Variants in REDIC1 observed in about 807,000 individuals in gnomAD.
REDIC1 encodes regulator of DNA class I crossover intermediates 1.
the REDIC1 span, among the ~76,000 whole-genome samples, chr12:39,694,777 G>A: frequency 2.6e-5 from 4 of 152,046 alleles, no homozygotes; most frequent in Non-Finnish European, 5.9e-5. Flanking sequence ...GGCAGCTAAG[G>A]GAGTGTGGCA....
chr12:39,700,867 T>C, the REDIC1 span, among the ~76,000 whole-genome samples: 1 of 151,938 alleles, frequency 6.6e-6, no homozygotes, highest in African/African-American at 2.4e-5. Context: ...AATCAAATCC[T>C]TTACAGACAA....
chr12:39,880,547 A>G, the REDIC1 span, among the ~76,000 whole-genome samples: 51 of 152,350 alleles, frequency 3.3e-4, 1 homozygote, highest in South Asian at 0.01. Context: ...AAATCAAGCA[A>G]TGATACAAAA....
chr12:39,896,174 ATATG>A, the REDIC1 span, among the ~76,000 whole-genome samples: 1 of 148,580 alleles, frequency 6.7e-6, no homozygotes, highest in Non-Finnish European at 1.5e-5. Context: ...ACATATATGA[ATATG>A]TATATATGTA....
chr12:39,692,254 C>A, the REDIC1 span: 1 of 758,456 alleles, frequency 1.3e-6, no homozygotes, highest in Non-Finnish European at 1.9e-6. Context: ...ATGCAATTGA[C>A]TCGTTAAAAT....
At chr12:39,721,513 A>G in the REDIC1 span, 8 of 344,610 alleles carry the variant, frequency 2.3e-5, no homozygotes, top group Non-Finnish European at 4.2e-5. Flanking sequence ...TAAATGTACT[A>G]GCGTTTTTAT....
the REDIC1 span, chr12:39,646,789 G>A: frequency 2.4e-6 from 3 of 1,249,098 alleles, no homozygotes; most frequent in Non-Finnish European, 3.4e-6. Context: ...GGAAAGGACA[G>A]TCGATTTTAT....
chr12:39,717,588 C>T, the REDIC1 span, among the ~76,000 whole-genome samples: 2 of 151,974 alleles, frequency 1.3e-5, no homozygotes, highest in South Asian at 2.1e-4. Flanking sequence ...GAATGGTGGG[C>T]AGGAGAGGCA....
chr12:39,857,053 G>T, the REDIC1 span, among the ~76,000 whole-genome samples: 1 of 152,208 alleles, frequency 6.6e-6, no homozygotes, highest in African/African-American at 2.4e-5. Flanking sequence ...AAAACTCCAA[G>T]TTGGTTTCAT....
chr12:39,740,284 A>C, the REDIC1 span, among the ~76,000 whole-genome samples: 1 of 152,218 alleles, frequency 6.6e-6, no homozygotes, highest in South Asian at 2.1e-4. Context: ...CATGTAGGAA[A>C]AAATTTTAAT....
the REDIC1 span, among the ~76,000 whole-genome samples, chr12:39,831,026 G>C: frequency 4.6e-5 from 7 of 152,162 alleles, no homozygotes; most frequent in Non-Finnish European, 8.8e-5. Flanking sequence ...CCTACATCAT[G>C]CTTATAGAAT....
the REDIC1 span, among the ~76,000 whole-genome samples, chr12:39,731,086 A>G: frequency 1.3e-5 from 2 of 152,126 alleles, no homozygotes; most frequent in East Asian, 1.9e-4. Context: ...GCTTCCTTGC[A>G]TTGGGTTAGA....
the REDIC1 span, among the ~76,000 whole-genome samples, chr12:39,704,623 G>T: frequency 1.3e-5 from 2 of 151,710 alleles, no homozygotes; most frequent in South Asian, 2.1e-4. Flanking sequence ...ACATGCACAC[G>T]TATGTTTATT....
the REDIC1 span, among the ~76,000 whole-genome samples, chr12:39,899,575 G>A: frequency 6.6e-6 from 1 of 151,752 alleles, no homozygotes. Context: ...GTGATGTTAG[G>A]GTGTCAATTT....
the REDIC1 span, among the ~76,000 whole-genome samples, chr12:39,895,547 T>TAC: frequency 2.1e-4 from 18 of 83,818 alleles, 1 homozygote; most frequent in African/African-American, 8.2e-4. Context: ...TATATATATA[T>TAC]ATATACACAC....
At chr12:39,731,735 C>G in the REDIC1 span, among the ~76,000 whole-genome samples, 990 of 152,202 alleles carry the variant, frequency 6.5e-3, 15 homozygotes, top group African/African-American at 0.022. Flanking sequence ...TTTAACTCCG[C>G]TGAAGTTGTG....
At chr12:39,787,039 C>T in the REDIC1 span, among the ~76,000 whole-genome samples, 1 of 151,950 alleles carries the variant, frequency 6.6e-6, no homozygotes, top group Non-Finnish European at 1.5e-5. Context: ...TGTAGTAAAA[C>T]AAGGCAGTCT....
At chr12:39,635,596 G>A in the REDIC1 span, among the ~76,000 whole-genome samples, 1 of 137,762 alleles carries the variant, frequency 7.3e-6, no homozygotes, top group South Asian at 2.4e-4. Flanking sequence ...TGAACAATGA[G>A]AACACATGGA....
At chr12:39,845,150 G>A in the REDIC1 span, among the ~76,000 whole-genome samples, 10 of 151,838 alleles carry the variant, frequency 6.6e-5, no homozygotes, top group Non-Finnish European at 1.2e-4. Flanking sequence ...GGGCAGTCAC[G>A]TTGCCTTTAA....
chr12:39,646,714 G>T, the REDIC1 span: 1 of 606,730 alleles, frequency 1.6e-6, no homozygotes, highest in Non-Finnish European at 2.7e-6. Flanking sequence ...GTAATATTAT[G>T]ACCCTGTAGT....
Sources: allele counts gnomAD v4.1 joint callset (sites outside exome capture counted in the v4.1 genomes callset), GRCh38; gene constraint gnomAD v4.1.1; transcripts MANE v1.5; gene names NCBI Gene and HGNC (gene_info 2026-07-23, HGNC 2026-07-21).